VAV1: variants seen among roughly 807,000 people sequenced by gnomAD.
The protein encoded by VAV1 is vav guanine nucleotide exchange factor 1.
Under a neutral mutation model 128.1 loss-of-function variants are expected in VAV1, and 33 were observed. The ratio of observed to expected loss-of-function variants is 0.26; its 90% CI spans 0.20 to 0.34. The LOEUF (loss-of-function observed/expected upper bound fraction) is 0.34, where lower values mean the gene tolerates loss of function less well. VAV1 is among the 10% of genes least tolerant of loss of function. The pLI is 1.00. For missense variants in VAV1, 715 were observed against 1,093.7 expected (o/e 0.65, Z 4.88); for synonymous variants, 394 against 409.8 (o/e 0.96, Z 0.47).
Position 6,822,242 on chromosome 19 carries a change from G to T in VAV1, c.471G>T (p.Glu157Asp). Residue 157 changes from glutamate to aspartate, a missense_variant, in exon 5 of 27, where the codon GAG becomes GAT. Glu to Asp is a conservative substitution (Grantham distance 45). Transcript: ENST00000602142. This position sits in a 1 kb window ranked among gnomAD's most constrained non-coding sequence, Gnocchi z 5.9. ...ACAGCGACACGGTGGAGGAGGATGA[G>T]GACCTGTATGACTGCGTGGAGAATG... ...DQIDDTVEED[E>D]DLYDCVENEE... is the part of the protein sequence containing the mutation. 1 of 1,587,680 alleles carries T rather than the reference G, an allele frequency of 6.3e-7. No homozygotes were observed. Among genetic ancestry groups the T allele is most frequent in the Non-Finnish European group, 8.6e-7 (1 of 1,168,506 alleles).
intron 24 of VAV1, among the ~76,000 whole-genome samples, chr19:6,851,307 G>A (rs2115533): frequency 0.082 from 12,424 of 151,842 alleles, 1,407 homozygotes; most frequent in African/African-American, 0.26. Flanking sequence ...CGAGCAGCTG[G>A]TACTATAGGC....
At chr19:6,853,824 T>C in intron 25 of VAV1, 123 bp from the exon 26 acceptor site, 1 of 1,259,380 alleles carries the variant, frequency 7.9e-7, no homozygotes, top group South Asian at 1.5e-5. Flanking sequence ...CATCTAATAC[T>C]CTGCAGAAAA....
intron 1 of VAV1, among the ~76,000 whole-genome samples, chr19:6,808,119 C>G (rs1445760494): frequency 3.3e-5 from 5 of 151,884 alleles, no homozygotes; most frequent in Non-Finnish European, 7.4e-5. Context: ...TTGAGACCAG[C>G]CTTGCCAGCA....
intron 6 of VAV1, among the ~76,000 whole-genome samples, chr19:6,823,540 C>T (rs1971847121): frequency 6.6e-6 from 1 of 151,758 alleles, no homozygotes; most frequent in Non-Finnish European, 1.5e-5. Flanking sequence ...GTTATGTTAA[C>T]CAGGCTGGTC....
chr19:6,807,086 C>T (rs956227766), intron 1 of VAV1, among the ~76,000 whole-genome samples: 33 of 152,282 alleles, frequency 2.2e-4, no homozygotes, highest in African/African-American at 7.9e-4. Context: ...CAGCAGTCTC[C>T]AACCTTTTTG....
intron 1 of VAV1, among the ~76,000 whole-genome samples, chr19:6,804,600 A>T (rs1971346367): frequency 6.6e-6 from 1 of 151,762 alleles, no homozygotes; most frequent in Admixed American, 6.6e-5. Flanking sequence ...TATTTTTAGT[A>T]GAGATGAGGT....
intron 24 of VAV1, among the ~76,000 whole-genome samples, chr19:6,852,581 C>T (rs943125724): frequency 1.3e-5 from 2 of 151,920 alleles, no homozygotes; most frequent in Non-Finnish European, 2.9e-5. Flanking sequence ...ATTAGCTGGG[C>T]GTAGTGGCGG....
At chr19:6,789,993 T>C (rs1030623497) in intron 1 of VAV1, among the ~76,000 whole-genome samples, 4 of 151,910 alleles carry the variant, frequency 2.6e-5, no homozygotes, top group Non-Finnish European at 5.9e-5. Context: ...ATCTCCAACA[T>C]GGTGAAACCC....
chr19:6,838,227 TC>T lies in VAV1; in HGVS notation c.1980+1178del, dbSNP rs148336249. Among the ~76,000 whole-genome samples the T allele has an allele frequency of 4.1e-3, 614 of 151,592 alleles. 4 individuals are homozygous for T. Among genetic ancestry groups the T allele is most frequent in the Middle Eastern group, 0.02 (6 of 294 alleles). On this transcript the variant is annotated intron_variant, in intron 21 of 26. Transcript: ENST00000602142. ...TCTACCCATCTATTATCTATCTATA[TC>T]ATCATCATCATCATCAATCTTTTAT...
At position 6,824,001 on chromosome 19, in the gene VAV1, G is replaced by T. The variant is rs554850899; in HGVS notation, c.655-1052G>T. On this transcript the variant is annotated intron_variant, in intron 6 of 26. Transcript: ENST00000602142. ...CATCCAGGCTGGAGTGCAGTGGCACGATCATAGTTCACTGCAGCCTCGAAC... is the reference window on the plus strand; with the variant it reads ...CATCCAGGCTGGAGTGCAGTGGCACTATCATAGTTCACTGCAGCCTCGAAC... 3.3e-5 allele frequency among the ~76,000 whole-genome samples: 5 copies of T among 151,438 alleles called. No individual in the cohort carries two copies. The South Asian group carries it at 1.0e-3, about 32-fold the overall frequency.
At chr19:6,783,720 G>A (rs953007812) in intron 1 of VAV1, among the ~76,000 whole-genome samples, 43 of 151,814 alleles carry the variant, frequency 2.8e-4, no homozygotes, top group African/African-American at 9.7e-4. Flanking sequence ...CACTCGCCTC[G>A]GCCTCCCAAA....
chr19:6,777,861 C>T lies in VAV1; in HGVS notation c.204+4850C>T, dbSNP rs1438443605. 3.9e-5 allele frequency among the ~76,000 whole-genome samples: 6 copies of T among 152,118 alleles called. No homozygotes were observed. Among genetic ancestry groups the T allele is most frequent in the Non-Finnish European group, 7.4e-5 (5 of 68,014 alleles). On this transcript the variant is annotated intron_variant, in intron 1 of 26. Transcript: ENST00000602142. This position sits in a 1 kb window ranked among gnomAD's most constrained non-coding sequence, Gnocchi z 4.4. ...TGTCTCCCAGGATGGAGTGCAGTGG[C>T]ATGGTCCCAACTCACTGCAGCCTCC... is the stretch of plus-strand genomic sequence containing the variant.
chr19:6,823,834 C>G (rs1213527265), intron 6 of VAV1, among the ~76,000 whole-genome samples: 2 of 152,142 alleles, frequency 1.3e-5, no homozygotes, highest in Non-Finnish European at 1.5e-5. Flanking sequence ...TTAGAATATA[C>G]AGTTCAATGG....
chr19:6,776,522 A>T (rs1184402697), intron 1 of VAV1, among the ~76,000 whole-genome samples: 3 of 114,600 alleles, frequency 2.6e-5, no homozygotes, highest in African/African-American at 1.2e-4. Flanking sequence ...CCATCCTCTC[A>T]TCCATCCATC....
chr19:6,792,587 G>C (rs180973924), intron 1 of VAV1, among the ~76,000 whole-genome samples: 3 of 139,774 alleles, frequency 2.1e-5, no homozygotes, highest in Admixed American at 1.4e-4. Flanking sequence ...TGTTTTGTTT[G>C]TTTTTGTAGA....
At chr19:6,810,031 T>C (rs1971482307) in intron 1 of VAV1, among the ~76,000 whole-genome samples, 1 of 151,898 alleles carries the variant, frequency 6.6e-6, no homozygotes, top group Non-Finnish European at 1.5e-5. Context: ...AAAAATAACG[T>C]TATCTGGGCA....
chr19:6,776,159 CCCATCCATCCATCCAT>C lies in VAV1; in HGVS notation c.204+3168_204+3183del, dbSNP rs56714339. Among the ~76,000 whole-genome samples, 75 of 130,364 alleles carry C rather than the reference CCCATCCATCCATCCAT, an allele frequency of 5.8e-4. No individual in the cohort carries two copies. The South Asian group carries it at 0.013, about 22-fold the overall frequency. The allele number at this position is 130,364 out of a possible 152,430, so 85.5% of individuals were successfully genotyped here. ...ATTCATCCATCTGCTCATCTATCCACCCATCCATCCATCCATCCATCCATCCATCCATCCACTCCTC... is the reference window on the plus strand; with the variant it reads ...ATTCATCCATCTGCTCATCTATCCACCCATCCATCCATCCATCCACTCCTC... On this transcript the variant is annotated intron_variant, in intron 1 of 26. Coordinates refer to ENST00000602142, the MANE Select transcript of VAV1 (RefSeq NM_005428.4).
At chr19:6,792,264 C>T (rs775997299) in intron 1 of VAV1, among the ~76,000 whole-genome samples, 22 of 151,644 alleles carry the variant, frequency 1.5e-4, no homozygotes, top group African/African-American at 2.7e-4. Context: ...ATGGTGGCCT[C>T]GACTGGGAGT....
intron 1 of VAV1, among the ~76,000 whole-genome samples, chr19:6,814,749 T>G (rs944220228): frequency 3.6e-5 from 5 of 139,480 alleles, no homozygotes; most frequent in Admixed American, 2.2e-4. Flanking sequence ...CCCTCTGTCT[T>G]GTCTTGCAGT....
Sources: gnomAD v4.1 joint callset for allele counts (sites outside exome capture counted in the v4.1 genomes callset) on GRCh38, gnomAD v4.1.1 for gene constraint, Gnocchi (gnomAD v3.1) non-coding constraint, MANE v1.5 for transcripts, NCBI Gene and HGNC (gene_info 2026-07-23, HGNC 2026-07-21) for gene names.